KAZN: variants seen among roughly 807,000 people sequenced by gnomAD.
The protein encoded by KAZN is kazrin, periplakin interacting protein.
KAZN carries 40 observed loss-of-function variants against 87.4 expected under a neutral mutation model. The ratio of observed to expected loss-of-function variants is 0.46; its 90% confidence interval spans 0.36 to 0.60. KAZN has a LOEUF of 0.60. KAZN is among the 20% of genes least tolerant of loss of function. The pLI is 0.00. For missense variants in KAZN, 898 were observed against 1,073.9 expected (o/e 0.84, Z 2.29); for synonymous variants, 466 against 458.3 (o/e 1.02, Z -0.22).
At chr1:14,731,991 C>T (rs1643697848) in intron 1 of KAZN, among the ~76,000 whole-genome samples, 1 of 152,214 alleles carries the variant, frequency 6.6e-6, no homozygotes, top group East Asian at 1.9e-4. Flanking sequence ...CTAAGCCGCC[C>T]TGGGGTGCTG....
intron 1 of KAZN, among the ~76,000 whole-genome samples, chr1:14,002,431 G>A (rs139412342): frequency 0.078 from 11,934 of 152,250 alleles, 622 homozygotes; most frequent in Middle Eastern, 0.12. Flanking sequence ...AGATCTGATG[G>A]GTTTATCAGG....
intron 1 of KAZN, among the ~76,000 whole-genome samples, chr1:14,019,399 C>T (rs538437491): frequency 1.1e-4 from 16 of 152,274 alleles, no homozygotes; most frequent in Non-Finnish European, 1.5e-4. Flanking sequence ...CCATGAAGAC[C>T]GAGTACAGCA....
intron 2 of KAZN, among the ~76,000 whole-genome samples, chr1:15,025,756 G>T (rs1671096200): frequency 1.3e-5 from 2 of 152,124 alleles, no homozygotes; most frequent in South Asian, 4.1e-4. Context: ...CAAGTTCCAG[G>T]TCAGCCACTT....
At chr1:15,057,138 C>A (rs1048844937) in intron 5 of KAZN, among the ~76,000 whole-genome samples, 1 of 152,190 alleles carries the variant, frequency 6.6e-6, no homozygotes, top group African/African-American at 2.4e-5. Flanking sequence ...TATTGCCTGT[C>A]AAGGGTACAG....
chr1:14,876,160 G>A (rs1652746284), intron 1 of KAZN, among the ~76,000 whole-genome samples: 1 of 152,232 alleles, frequency 6.6e-6, no homozygotes, highest in Admixed American at 6.5e-5. Flanking sequence ...TGCCGCGGAG[G>A]TGAGAAACAA....
chr1:14,196,810 T>G (rs1646535339), intron 2 of KAZN, among the ~76,000 whole-genome samples: 1 of 152,026 alleles, frequency 6.6e-6, no homozygotes, highest in African/African-American at 2.4e-5. Flanking sequence ...GACTGAGCCC[T>G]GGGAAAGACT....
At chr1:13,925,009 A>C (rs1291835947) in intron 1 of KAZN, among the ~76,000 whole-genome samples, 1 of 152,240 alleles carries the variant, frequency 6.6e-6, no homozygotes, top group Non-Finnish European at 1.5e-5. Flanking sequence ...CACCATCAAC[A>C]AAGTCAAATT....
At chr1:14,613,762 G>A (rs781664114) in intron 1 of KAZN, among the ~76,000 whole-genome samples, 3 of 152,120 alleles carry the variant, frequency 2.0e-5, no homozygotes, top group Non-Finnish European at 2.9e-5. Context: ...GAGTCTCTGC[G>A]GCCCACAGGT....
intron 2 of KAZN, among the ~76,000 whole-genome samples, chr1:14,313,048 T>A (rs1006148765): frequency 1.3e-5 from 2 of 152,184 alleles, no homozygotes; most frequent in African/African-American, 4.8e-5. Context: ...CAGCATTAGA[T>A]AACTAATACA....
intron 2 of KAZN, among the ~76,000 whole-genome samples, chr1:15,008,821 GC>G (rs1319243254): frequency 1.3e-5 from 2 of 152,140 alleles, no homozygotes; most frequent in Non-Finnish European, 1.5e-5. Flanking sequence ...AAGAGGAGCG[GC>G]AAGGCTGAGG....
chr1:14,231,948 T>G (rs1186874390), intron 2 of KAZN, among the ~76,000 whole-genome samples: 1 of 152,142 alleles, frequency 6.6e-6, no homozygotes, highest in Non-Finnish European at 1.5e-5. Context: ...GGTTGTCAGC[T>G]TAAGGGAAGG....
intron 2 of KAZN, among the ~76,000 whole-genome samples, chr1:14,542,674 G>A (rs978829306): frequency 7.2e-5 from 11 of 152,102 alleles, no homozygotes; most frequent in African/African-American, 1.9e-4. Context: ...GCATAGTATC[G>A]GATAGGTAGC....
intron 2 of KAZN, among the ~76,000 whole-genome samples, chr1:14,388,438 T>C (rs1662137273): frequency 6.6e-6 from 1 of 152,182 alleles, no homozygotes; most frequent in Non-Finnish European, 1.5e-5. Flanking sequence ...AGGAATCACA[T>C]TACTTGACTT....
At chr1:15,088,922 C>G (rs954512851) in intron 8 of KAZN, among the ~76,000 whole-genome samples, 13 of 152,030 alleles carry the variant, frequency 8.6e-5, no homozygotes, top group Admixed American at 8.5e-4. Flanking sequence ...AAGCCAGCTC[C>G]CCTCACAGCC....
intron 2 of KAZN, among the ~76,000 whole-genome samples, chr1:14,479,487 G>A (rs1385432108): frequency 2.0e-5 from 3 of 152,186 alleles, no homozygotes; most frequent in Non-Finnish European, 4.4e-5. Context: ...CTCCCTGCTA[G>A]TGGTTTGCTC....
At chr1:14,169,900 G>C (rs1262458397) in intron 1 of KAZN, among the ~76,000 whole-genome samples, 1 of 152,208 alleles carries the variant, frequency 6.6e-6, no homozygotes, top group Non-Finnish European at 1.5e-5. Context: ...GCTAATAGCA[G>C]ATGGAGGCAG....
intron 2 of KAZN, among the ~76,000 whole-genome samples, chr1:14,550,739 C>CTCTCTCTCTCTCTCT (rs1480745409): frequency 3.9e-4 from 27 of 70,004 alleles, no homozygotes; most frequent in Middle Eastern, 9.3e-3. Context: ...CTCTCTCTCT[C>CTCTCTCTCTCTCTCT]CCCCACCCCG....
intron 1 of KAZN, among the ~76,000 whole-genome samples, chr1:14,023,424 A>G (rs1450289900): frequency 6.6e-6 from 1 of 152,182 alleles, no homozygotes; most frequent in African/African-American, 2.4e-5. Flanking sequence ...CCAAATCTCT[A>G]TGAGGAGGTT....
chr1:14,856,108 C>T lies in KAZN; in HGVS notation c.227-104576C>T, dbSNP rs567875760. 1.3e-4 allele frequency among the ~76,000 whole-genome samples: 20 copies of T among 152,018 alleles called. No homozygotes were observed. The highest frequency in any genetic ancestry group is 5.8e-4 in the East Asian group (3 of 5,174). On this transcript the variant is annotated intron_variant, in intron 1 of 14. Transcript: ENST00000376030. The surrounding 1 kb of genome is among the most constrained non-coding windows in gnomAD (Gnocchi z 5.2). ...TCCTTGGGGGTTTGGGTTTAAGTTA[C>T]GTAGTAGTTATTGCAAGGGTCTGTG...
Sources: gnomAD v4.1 joint callset for allele counts (sites outside exome capture counted in the v4.1 genomes callset) on GRCh38, gnomAD v4.1.1 for gene constraint, Gnocchi (gnomAD v3.1) non-coding constraint, MANE v1.5 for transcripts, NCBI Gene and HGNC (gene_info 2026-07-23, HGNC 2026-07-21) for gene names.